The following RAB2A variants were observed in gnomAD, a reference collection of about 807,000 sequenced individuals.
RAB2A encodes the protein ras-related protein Rab-2A.
RAB2A carries 7 observed loss-of-function variants against 32.5 expected under a neutral mutation model. The ratio of observed to expected loss-of-function variants is 0.22; its 90% confidence interval spans 0.12 to 0.40. RAB2A has a LOEUF of 0.40. RAB2A is among the 10% of genes least tolerant of loss of function. The pLI, the probability that RAB2A is intolerant of heterozygous loss-of-function variation, is 1.00. For missense variants in RAB2A, 108 were observed against 260.7 expected, an observed-to-expected ratio of 0.41 and a Z score of 4.03; for synonymous variants, 79 against 85.2, an observed-to-expected ratio of 0.93 and a Z score of 0.40.
intron 3 of RAB2A, among the ~76,000 whole-genome samples, chr8:60,572,443 A>C (rs1808210546): frequency 6.6e-6 from 1 of 152,204 alleles, no homozygotes; most frequent in African/African-American, 2.4e-5. Flanking sequence ...GAATATCAAT[A>C]TTATACAATA....
intron 1 of RAB2A, among the ~76,000 whole-genome samples, chr8:60,523,402 C>A (rs1039574822): frequency 2.6e-5 from 4 of 151,950 alleles, no homozygotes; most frequent in Non-Finnish European, 4.4e-5. Context: ...CGTGATCCGC[C>A]CGCCTCTGCC....
At position 60,616,835 on chromosome 8, in the gene RAB2A, G is replaced by T. The variant is rs564500029; in HGVS notation, c.475-1745G>T. 2.0e-5 allele frequency among the ~76,000 whole-genome samples: 3 copies of T among 152,330 alleles called. 1 individual carries two copies. The highest frequency in any genetic ancestry group is 4.1e-4 in the South Asian group (2 of 4,832). ...TGCTTGGTGCAGTAATTGAGCTGCA[G>T]TAGATTGATTACTCTGGGGAGCTGT... On this transcript the variant is annotated intron_variant, in intron 6 of 7. Transcript: ENST00000262646.
intron 1 of RAB2A, among the ~76,000 whole-genome samples, chr8:60,553,555 C>T (rs1309806426): frequency 5.3e-5 from 8 of 152,162 alleles, no homozygotes; most frequent in Admixed American, 5.2e-4. Flanking sequence ...ATAAACTGGA[C>T]ACACTCAGGT....
At chr8:60,593,650 C>T (rs1434126397) in intron 6 of RAB2A, among the ~76,000 whole-genome samples, 2 of 152,078 alleles carry the variant, frequency 1.3e-5, no homozygotes, top group African/African-American at 2.4e-5. Flanking sequence ...CCCAGAGTCT[C>T]ATAACATAGT....
chr8:60,522,956 A>G (rs1563457254), intron 1 of RAB2A, among the ~76,000 whole-genome samples: 1 of 152,152 alleles, frequency 6.6e-6, no homozygotes, highest in Non-Finnish European at 1.5e-5. Context: ...CAGAAGTACT[A>G]GTCATTTTAT....
intron 1 of RAB2A, among the ~76,000 whole-genome samples, chr8:60,526,239 T>C (rs553756158): frequency 2.6e-5 from 4 of 152,110 alleles, no homozygotes; most frequent in Non-Finnish European, 5.9e-5. Flanking sequence ...GTTGGCAGAA[T>C]ATACTTCCAT....
At chr8:60,565,934 C>T (rs1221000585) in intron 2 of RAB2A, among the ~76,000 whole-genome samples, 1 of 151,860 alleles carries the variant, frequency 6.6e-6, no homozygotes, top group Admixed American at 6.6e-5. Flanking sequence ...AGGATGGTCT[C>T]GATCTCCTGA....
Position 60,558,837 on chromosome 8 carries a change from T to A in RAB2A, c.47-15T>A, listed in dbSNP as rs770564196. ...TGTGAATTTTGTCTCTTATTTATTT[T>A]TTTTTAACTTTCAGGTGTTGGTAAA... On this transcript the variant is annotated splice_polypyrimidine_tract_variant and intron_variant, in intron 1 of 7. Coordinates refer to ENST00000262646, the MANE Select transcript of RAB2A (RefSeq NM_002865.3). The A allele has an allele frequency of 8.1e-6, 13 of 1,603,234 alleles. No individual in the cohort carries two copies. The East Asian group carries it at 2.5e-4, about 30-fold the overall frequency.
At chr8:60,525,003 T>A (rs1437160317) in intron 1 of RAB2A, among the ~76,000 whole-genome samples, 1 of 152,226 alleles carries the variant, frequency 6.6e-6, no homozygotes, top group Non-Finnish European at 1.5e-5. Flanking sequence ...TCCTACACCA[T>A]ATCAAAAGCT....
chr8:60,575,841 G>A (rs967468831), intron 3 of RAB2A, among the ~76,000 whole-genome samples: 2 of 151,912 alleles, frequency 1.3e-5, no homozygotes, highest in African/African-American at 4.8e-5. Context: ...ATTTTTAGTA[G>A]AGACGGGGTT....
At position 60,517,130 on chromosome 8, in the gene RAB2A, G is replaced by T; in HGVS notation, c.-78G>T. 1 of 1,397,260 alleles carries T rather than the reference G, an allele frequency of 7.2e-7. No individual in the cohort carries two copies. 86.6% of individuals were successfully genotyped at this position (1,397,260 alleles called of 1,614,324 possible). A position where few individuals can be genotyped will look rare whatever the true frequency, so the allele number is the denominator to read the frequency against. Reference sequence around the variant, plus strand: ...GGCGCCTGGCGTTTCGAGGCTGAGCGGCACCGGGGTTGGGGCGCGGAGGAG... The same window carrying T: ...GGCGCCTGGCGTTTCGAGGCTGAGCTGCACCGGGGTTGGGGCGCGGAGGAG... On this transcript the variant is annotated 5_prime_UTR_variant, in exon 1 of 8. Transcript: ENST00000262646.
chr8:60,563,806 A>G (rs1265889344), intron 2 of RAB2A, among the ~76,000 whole-genome samples: 3 of 151,898 alleles, frequency 2.0e-5, no homozygotes, highest in Non-Finnish European at 4.4e-5. Flanking sequence ...TTTCACTCTC[A>G]TCTCTCTTGT....
chr8:60,583,486 G>A lies in RAB2A; in HGVS notation c.187-722G>A, dbSNP rs529261873. ...TGTCTGTTTCACAAGTGGATATAAA[G>A]ATGACTTTTACATCCTGTTGCCTTT... On this transcript the variant is annotated intron_variant, in intron 3 of 7. Coordinates refer to ENST00000262646, the MANE Select transcript of RAB2A (RefSeq NM_002865.3). Among the ~76,000 whole-genome samples, 4 of 152,212 alleles carry A rather than the reference G, an allele frequency of 2.6e-5. No individual in the cohort carries two copies. In the South Asian group the frequency reaches 8.3e-4, roughly 32 times the overall value.
chr8:60,516,985 T>G, upstream of RAB2A: 12 of 412,196 alleles, frequency 2.9e-5, no homozygotes, highest in Admixed American at 4.6e-5. Context: ...GCGGCGGCTG[T>G]TATTGTTCGG....
rs754135439 is a variant in RAB2A, at chr8:60,620,694, C to T, written c.564C>T (p.Gly188=). The T allele has an allele frequency of 6.2e-7, 1 of 1,613,438 alleles. No homozygotes were observed. Among genetic ancestry groups the T allele is most frequent in the Non-Finnish European group, 8.5e-7 (1 of 1,179,786 alleles). Residue 188 remains glycine (G), a synonymous_variant, in exon 8 of 8, where the codon GGC becomes GGT. Coordinates refer to ENST00000262646, the MANE Select transcript of RAB2A (RefSeq NM_002865.3). ...TTCAGGCAAATGGCATTAAAATTGG[C>T]CCTCAGCATGCTGCTACCAATGCAA... ...INNEANGIKI[G]PQHAATNATH... is the part of the protein sequence containing the mutation.
At chr8:60,555,109 C>T (rs1807915381) in intron 1 of RAB2A, among the ~76,000 whole-genome samples, 2 of 152,116 alleles carry the variant, frequency 1.3e-5, no homozygotes, top group Admixed American at 1.3e-4. Context: ...TTTATGGACA[C>T]AAATATATTT....
chr8:60,556,759 T>C (rs1192833491), intron 1 of RAB2A, among the ~76,000 whole-genome samples: 2 of 152,120 alleles, frequency 1.3e-5, no homozygotes, highest in African/African-American at 2.4e-5. Flanking sequence ...AGATTAGTAT[T>C]ACTAGAGTGA....
intron 3 of RAB2A, among the ~76,000 whole-genome samples, chr8:60,583,631 A>G (rs1460363796): frequency 1.3e-5 from 2 of 152,244 alleles, no homozygotes; most frequent in Admixed American, 1.3e-4. Context: ...AAAGAATTCC[A>G]TTTGATGACT....
chr8:60,533,946 G>C (rs1807518599), intron 1 of RAB2A, among the ~76,000 whole-genome samples: 2 of 151,822 alleles, frequency 1.3e-5, no homozygotes, highest in South Asian at 4.2e-4. Flanking sequence ...CTGGGCGACA[G>C]AGCAAGACTC....
Sources: allele counts gnomAD v4.1 joint callset (sites outside exome capture counted in the v4.1 genomes callset), GRCh38; gene constraint gnomAD v4.1.1; transcripts MANE v1.5; gene names NCBI Gene and HGNC (gene_info 2026-07-23, HGNC 2026-07-21).